The following MEOX2 variants were observed in gnomAD, a reference collection of about 807,000 sequenced individuals.
The protein encoded by MEOX2 is mesenchyme homeobox 2.
In MEOX2, 11 loss-of-function variants were observed where a neutral mutation model predicts 27.0. That is an observed-to-expected ratio of 0.41 (90% CI 0.26 to 0.68). The LOEUF is 0.68. Among genes scored for constraint, MEOX2 ranks in the 30% least tolerant of loss-of-function variants. The pLI is 0.33. For synonymous variants in MEOX2, 189 were observed against 155.4 expected, an observed-to-expected ratio of 1.22 and a Z score of -1.61; for missense variants, 436 against 385.4, an observed-to-expected ratio of 1.13 and a Z score of -1.10.
At chr7:15,672,197 C>T (rs1362814084) in intron 1 of MEOX2, among the ~76,000 whole-genome samples, 5 of 152,148 alleles carry the variant, frequency 3.3e-5, no homozygotes, top group Non-Finnish European at 7.3e-5. Flanking sequence ...TTATCCATTA[C>T]TACAATGCAG....
At chr7:15,670,920 T>C (rs1452575600) in intron 1 of MEOX2, among the ~76,000 whole-genome samples, 2 of 152,218 alleles carry the variant, frequency 1.3e-5, no homozygotes, top group African/African-American at 2.4e-5. Context: ...TGCAGTCACC[T>C]GGAAGCTTTT....
At chr7:15,644,125 C>G (rs1476873176) in intron 1 of MEOX2, among the ~76,000 whole-genome samples, 1 of 152,182 alleles carries the variant, frequency 6.6e-6, no homozygotes, top group African/African-American at 2.4e-5. Flanking sequence ...GCCTAGCAGA[C>G]AGCAGGAGCT....
chr7:15,627,826 C>A (rs914730815), intron 1 of MEOX2, among the ~76,000 whole-genome samples: 1 of 151,550 alleles, frequency 6.6e-6, no homozygotes, highest in African/African-American at 2.4e-5. Flanking sequence ...CACACACACA[C>A]GTCAAGTAAA....
chr7:15,652,659 T>C (rs940215976), intron 1 of MEOX2, among the ~76,000 whole-genome samples: 8 of 152,088 alleles, frequency 5.3e-5, no homozygotes, highest in African/African-American at 1.9e-4. Context: ...GCAATCTCTA[T>C]TTCTGCAAGT....
intron 1 of MEOX2, among the ~76,000 whole-genome samples, chr7:15,660,168 A>C (rs2115382982): frequency 6.6e-6 from 1 of 152,296 alleles, no homozygotes; most frequent in African/African-American, 2.4e-5. Context: ...AGGGTATTCC[A>C]CCCAAAGGAA....
At chr7:15,655,439 C>G (rs1781803778) in intron 1 of MEOX2, among the ~76,000 whole-genome samples, 1 of 151,108 alleles carries the variant, frequency 6.6e-6, no homozygotes, top group South Asian at 2.1e-4. Flanking sequence ...GTTTATTTTG[C>G]TCTTTTTGTC....
At chr7:15,648,400 AAAAG>A (rs1781682688) in intron 1 of MEOX2, among the ~76,000 whole-genome samples, 1 of 152,146 alleles carries the variant, frequency 6.6e-6, no homozygotes. Context: ...TGAAGGAATA[AAAAG>A]AAAGCGTAAA....
At position 15,612,108 on chromosome 7, in the gene MEOX2, G is replaced by A; in HGVS notation, c.*279C>T. ...GATAGCAATTTAATTTTCAGTGCAA[G>A]CAAAAGCAAACACATACCTGCTCAC... On this transcript the variant is annotated 3_prime_UTR_variant, in exon 3 of 3. Coordinates refer to ENST00000262041, the MANE Select transcript of MEOX2 (RefSeq NM_005924.5). The A allele has an allele frequency of 2.3e-6, 1 of 432,014 alleles. No homozygotes were observed. Among genetic ancestry groups the A allele is most frequent in the Non-Finnish European group, 4.2e-6 (1 of 238,206 alleles). 26.8% of individuals were successfully genotyped at this position (432,014 alleles called of 1,614,324 possible).
intron 1 of MEOX2, among the ~76,000 whole-genome samples, chr7:15,661,952 T>C (rs893324420): frequency 1.3e-5 from 2 of 152,172 alleles, no homozygotes; most frequent in African/African-American, 4.8e-5. Context: ...AAATAGGGTA[T>C]AATAAAATAA....
At chr7:15,660,809 G>A (rs1353363734) in intron 1 of MEOX2, among the ~76,000 whole-genome samples, 1 of 151,916 alleles carries the variant, frequency 6.6e-6, no homozygotes, top group African/African-American at 2.4e-5. Context: ...ATCACCTGAG[G>A]TCAGGAGTTC....
intron 2 of MEOX2, among the ~76,000 whole-genome samples, chr7:15,613,139 A>G (rs1781059665): frequency 6.6e-6 from 1 of 152,168 alleles, no homozygotes; most frequent in African/African-American, 2.4e-5. Flanking sequence ...CACTGAGCCT[A>G]TCTTCTTTTG....
intron 1 of MEOX2, among the ~76,000 whole-genome samples, chr7:15,655,221 C>A (rs1781799479): frequency 1.3e-5 from 2 of 151,742 alleles, no homozygotes; most frequent in Admixed American, 6.6e-5. Flanking sequence ...GTATTTGTAG[C>A]AATATCTCTT....
At chr7:15,665,784 T>C (rs1282039999) in intron 1 of MEOX2, among the ~76,000 whole-genome samples, 2 of 152,238 alleles carry the variant, frequency 1.3e-5, no homozygotes, top group African/African-American at 4.8e-5. Context: ...ATGCTATCTT[T>C]ACCCTTATTG....
At chr7:15,619,705 C>T (rs1205439839) in intron 2 of MEOX2, among the ~76,000 whole-genome samples, 1 of 151,786 alleles carries the variant, frequency 6.6e-6, no homozygotes, top group African/African-American at 2.4e-5. Context: ...CATATGTCTA[C>T]CTATCTACAT....
chr7:15,680,974 G>T (rs1238657621), intron 1 of MEOX2: 1 of 151,214 alleles, frequency 6.6e-6, no homozygotes, highest in Non-Finnish European at 1.5e-5. Flanking sequence ...TACAATCAAG[G>T]GGGGAAATGC....
chr7:15,626,395 A>G (rs886808300), intron 2 of MEOX2, among the ~76,000 whole-genome samples: 11 of 152,076 alleles, frequency 7.2e-5, no homozygotes, highest in African/African-American at 2.2e-4. Flanking sequence ...ATCTGGGTTT[A>G]CCAACTTTCT....
rs1038772111 is a variant in MEOX2 at position 15,627,057 on chromosome 7, C to T, written c.518-139G>A. The T allele has an allele frequency of 4.4e-6, 3 of 681,982 alleles. No homozygotes were observed. The Admixed American group carries it at 8.5e-5, about 19-fold the overall frequency. 42.2% of individuals were successfully genotyped at this position (681,982 alleles called of 1,614,324 possible). ...CAAATAGAGACCAAAGACAGCAAGA[C>T]TGACGGCAGCTCAACGGGGGGAGAT... On this transcript the variant is annotated intron_variant, in intron 1 of 2. Coordinates refer to ENST00000262041, the MANE Select transcript of MEOX2 (RefSeq NM_005924.5).
intron 2 of MEOX2, among the ~76,000 whole-genome samples, chr7:15,623,536 A>T (rs1464307536): frequency 6.6e-6 from 1 of 152,040 alleles, no homozygotes; most frequent in Non-Finnish European, 1.5e-5. Context: ...CGCCTGGCTC[A>T]TTTTTGTATT....
intron 1 of MEOX2, among the ~76,000 whole-genome samples, chr7:15,682,375 T>G (rs1782307330): frequency 6.6e-6 from 1 of 151,838 alleles, no homozygotes; most frequent in Non-Finnish European, 1.5e-5. Context: ...TCCAACTTAT[T>G]AAATGTAATA....
Sources: allele counts gnomAD v4.1 joint callset (sites outside exome capture counted in the v4.1 genomes callset), GRCh38; gene constraint gnomAD v4.1.1; transcripts MANE v1.5; gene names NCBI Gene and HGNC (gene_info 2026-07-23, HGNC 2026-07-21).